Variants in FAAH2 observed in about 807,000 individuals in gnomAD.
FAAH2 encodes the protein fatty acid amide hydrolase 2.
FAAH2 carries 60 observed loss-of-function variants against 36.9 expected under a neutral mutation model. The ratio of observed to expected loss-of-function variants is 1.63; its 90% CI spans 1.32 to 2.02. FAAH2 has a LOEUF of 2.02. Among genes scored for constraint, FAAH2 ranks in the 30% most tolerant of loss-of-function variants. The pLI, the probability that FAAH2 is intolerant of heterozygous loss-of-function variation, is 0.00. For synonymous variants in FAAH2, 214 were observed against 143.8 expected (o/e 1.49, Z -3.49); for missense variants, 689 against 397.5 (o/e 1.73, Z -6.23).
chrX:57,377,732 G>A (rs1423214653), intron 5 of FAAH2, among the ~76,000 whole-genome samples: 1 of 111,906 alleles, frequency 8.9e-6, no homozygotes, highest in Non-Finnish European at 1.9e-5. Flanking sequence ...AATTACTTTG[G>A]GTAGTATGGC....
Position 57,446,934 on chromosome X carries a change from G to T in FAAH2, c.1123G>T (p.Val375Leu). The change falls in exon 9 of 11, where the codon GTG becomes TTG. Residue 375 changes from valine (V) to leucine (L), a missense_variant. Transcript: ENST00000374900. ...SAKGHDGKEPVKFVDLLGDHG... is the reference protein window; with the variant it reads ...SAKGHDGKEPLKFVDLLGDHG... ...TTCTTTCCTTCAATCTCAGGAACCT[G>T]TGAAATTTGTAGATTTGCTTGGTGA... The T allele has an allele frequency of 2.5e-6, 3 of 1,203,817 alleles. No homozygotes were observed. The highest frequency in any genetic ancestry group is 3.4e-6 in the Non-Finnish European group (3 of 890,868).
At chrX:57,269,373 G>A in the FAAH2 span, among the ~76,000 whole-genome samples, 2 of 111,086 alleles carry the variant, frequency 1.8e-5, no homozygotes, top group Admixed American at 9.6e-5. Flanking sequence ...GACAATATGG[G>A]CCTGATAGAT....
rs1441473938 is a variant in FAAH2 at position 57,353,521 on chromosome X, G to A, written c.742+12131G>A. Among the ~76,000 whole-genome samples, 3 of 97,492 alleles carry A rather than the reference G, an allele frequency of 3.1e-5. No individual in the cohort carries two copies. The East Asian group carries it at 1.0e-3, about 33-fold the overall frequency. 84.7% of individuals were successfully genotyped at this position (97,492 alleles called of 115,157 possible). ...AAAAAGAAAAAAAAGAAAACCAAGG[G>A]GAAATTATTTTGGACATCTGTCTAG... On this transcript the variant is annotated intron_variant, in intron 5 of 10. Transcript: ENST00000374900.
the FAAH2 span, among the ~76,000 whole-genome samples, chrX:57,170,480 G>C: frequency 9.0e-6 from 1 of 110,677 alleles, no homozygotes. Flanking sequence ...AGTGGTTTTT[G>C]GTTACATGAA....
chrX:57,223,612 A>G, the FAAH2 span, among the ~76,000 whole-genome samples: 2 of 111,185 alleles, frequency 1.8e-5, no homozygotes, highest in African/African-American at 6.6e-5. Flanking sequence ...CCTACCCACC[A>G]AGCCCAGGGC....
At chrX:57,329,648 C>T (rs747024096) in intron 3 of FAAH2, among the ~76,000 whole-genome samples, 1 of 109,270 alleles carries the variant, frequency 9.2e-6, no homozygotes, top group South Asian at 4.1e-4. Flanking sequence ...CACACACACA[C>T]ACAAGTACCA....
intron 7 of FAAH2, among the ~76,000 whole-genome samples, chrX:57,411,646 G>A (rs1361544381): frequency 8.9e-6 from 1 of 111,767 alleles, no homozygotes; most frequent in Non-Finnish European, 1.9e-5. Flanking sequence ...TTTTGAGTGG[G>A]GCAAGAGAGA....
intron 7 of FAAH2, chrX:57,381,451 G>C: frequency 2.4e-6 from 1 of 415,656 alleles, no homozygotes; most frequent in Non-Finnish European, 3.0e-6. Context: ...CTTTTTAAAA[G>C]CAAGAGTTCA....
chrX:57,270,548 G>A, the FAAH2 span, among the ~76,000 whole-genome samples: 1 of 111,931 alleles, frequency 8.9e-6, no homozygotes, highest in Non-Finnish European at 1.9e-5. Context: ...ATTCAAGATG[G>A]CCTAATAGGA....
At chrX:57,314,920 A>G (rs1217887940) in intron 3 of FAAH2, among the ~76,000 whole-genome samples, 1 of 111,289 alleles carries the variant, frequency 9.0e-6, no homozygotes, top group African/African-American at 3.2e-5. Flanking sequence ...GCAGAAGAAA[A>G]GAAATAACTA....
chrX:57,300,858 A>T lies in FAAH2; in HGVS notation c.275+8278A>T, dbSNP rs1256601181. On this transcript the variant is annotated intron_variant, in intron 2 of 10. Coordinates refer to ENST00000374900, the MANE Select transcript of FAAH2 (RefSeq NM_174912.4). ...TTATGCAGCCAAAAAACACATGAAA[A>T]AATGCTCATCATCACTGGCCATCAG... Among the ~76,000 whole-genome samples the T allele has an allele frequency of 7.1e-5, 8 of 112,470 alleles. No individual in the cohort carries two copies. The South Asian group carries it at 3.0e-3, about 42-fold the overall frequency.
At chrX:57,230,603 T>C in the FAAH2 span, among the ~76,000 whole-genome samples, 1 of 111,939 alleles carries the variant, frequency 8.9e-6, no homozygotes, top group East Asian at 2.8e-4. Flanking sequence ...GGATCATTTC[T>C]TCTTATCAGC....
chrX:57,186,353 C>T, the FAAH2 span, among the ~76,000 whole-genome samples: 2 of 112,180 alleles, frequency 1.8e-5, no homozygotes, highest in Non-Finnish European at 3.8e-5. Flanking sequence ...TGTTTCTTGG[C>T]CACATAAATG....
chrX:57,382,388 C>G (rs986780001), intron 7 of FAAH2, among the ~76,000 whole-genome samples: 1 of 111,116 alleles, frequency 9.0e-6, no homozygotes, highest in African/African-American at 3.3e-5. Flanking sequence ...AATCCAGATG[C>G]TGGTTTTTTG....
intron 10 of FAAH2, among the ~76,000 whole-genome samples, chrX:57,475,663 C>T (rs774100531): frequency 3.6e-5 from 4 of 111,499 alleles, no homozygotes; most frequent in South Asian, 7.5e-4. Flanking sequence ...TTAGGATTGC[C>T]GTAGCTAAAT....
At chrX:57,146,897 G>T in the FAAH2 span, among the ~76,000 whole-genome samples, 3 of 111,815 alleles carry the variant, frequency 2.7e-5, no homozygotes, top group East Asian at 8.4e-4. Context: ...AACCATCCCT[G>T]ATTCCCTAGT....
intron 5 of FAAH2, among the ~76,000 whole-genome samples, chrX:57,364,130 G>A (rs995671355): frequency 2.8e-5 from 3 of 105,467 alleles, no homozygotes; most frequent in Non-Finnish European, 5.8e-5. Context: ...AAGTAGTATG[G>A]GTATCAGATT....
At chrX:57,479,758 T>C (rs970939764) in intron 10 of FAAH2, among the ~76,000 whole-genome samples, 3 of 111,883 alleles carry the variant, frequency 2.7e-5, no homozygotes, top group African/African-American at 9.7e-5. Flanking sequence ...GTGGTTTTTG[T>C]CTTGGTTCTG....
chrX:57,180,345 G>C, the FAAH2 span, among the ~76,000 whole-genome samples: 1 of 111,041 alleles, frequency 9.0e-6, no homozygotes, highest in African/African-American at 3.3e-5. Flanking sequence ...AAAAATATAG[G>C]ATAAATAGAC....
Sources: gnomAD v4.1 joint callset for allele counts (sites outside exome capture counted in the v4.1 genomes callset) on GRCh38, gnomAD v4.1.1 for gene constraint, MANE v1.5 for transcripts, NCBI Gene and HGNC (gene_info 2026-07-23, HGNC 2026-07-21) for gene names.